JPH3: variants seen among roughly 807,000 people sequenced by gnomAD.
The protein encoded by JPH3 is junctophilin 3, also known as junctophilin-3.
In JPH3, 11 loss-of-function variants were observed where a neutral mutation model predicts 59.6. The observed-to-expected ratio is 0.18, with a 90% CI of 0.12 to 0.31. The LOEUF is 0.31. Ranked by LOEUF, JPH3 falls within the 10% of genes least tolerant of loss-of-function variation. The pLI, the probability that JPH3 is intolerant of heterozygous loss-of-function variation, is 1.00. For missense variants in JPH3, 1,202 were observed against 1,105.7 expected, an observed-to-expected ratio of 1.09 and a Z score of -1.24; for synonymous variants, 673 against 483.6, an observed-to-expected ratio of 1.39 and a Z score of -5.14.
At chr16:87,696,421 C>T in intron 4 of JPH3, 159 bp from the exon 5 acceptor site, 1 of 636,764 alleles carries the variant, frequency 1.6e-6, no homozygotes, top group Non-Finnish European at 2.8e-6. Context: ...AGCTCAGGTT[C>T]TGGTGGGCCT....
At chr16:87,656,747 G>A (rs938242580) in intron 2 of JPH3, among the ~76,000 whole-genome samples, 21 of 152,288 alleles carry the variant, frequency 1.4e-4, no homozygotes, top group Middle Eastern at 3.4e-3. Context: ...CCTGGTGTCC[G>A]CCTTTCTCCT....
chr16:87,644,006 T>G (rs1175183977), intron 1 of JPH3, among the ~76,000 whole-genome samples: 1 of 152,128 alleles, frequency 6.6e-6, no homozygotes, highest in Non-Finnish European at 1.5e-5. Context: ...AGCATGGTGG[T>G]GCACGCCTGT....
At chr16:87,666,961 C>T (rs975808164) in intron 2 of JPH3, among the ~76,000 whole-genome samples, 1 of 152,228 alleles carries the variant, frequency 6.6e-6, no homozygotes, top group Non-Finnish European at 1.5e-5. Flanking sequence ...CAGCTTCCTA[C>T]AGCTTCCATG....
At chr16:87,635,103 G>A (rs919654281) in intron 1 of JPH3, among the ~76,000 whole-genome samples, 4 of 152,180 alleles carry the variant, frequency 2.6e-5, no homozygotes, top group Admixed American at 6.5e-5. Flanking sequence ...CTCATGGGTC[G>A]GGGCCGCACA....
intron 1 of JPH3, among the ~76,000 whole-genome samples, chr16:87,625,474 G>C (rs2031338872): frequency 6.6e-6 from 1 of 152,206 alleles, no homozygotes; most frequent in African/African-American, 2.4e-5. Flanking sequence ...CCTTGGTGCT[G>C]CACGGTCACT....
intron 1 of JPH3, among the ~76,000 whole-genome samples, chr16:87,620,481 G>GGAGAGA (rs1299947764): frequency 2.5e-5 from 3 of 120,040 alleles, no homozygotes; most frequent in Non-Finnish European, 5.5e-5. Context: ...AAGGAGAGAA[G>GGAGAGA]AGAGGGAGAG....
intron 2 of JPH3, among the ~76,000 whole-genome samples, chr16:87,669,971 G>A (rs990519408): frequency 4.6e-5 from 7 of 152,200 alleles, no homozygotes; most frequent in African/African-American, 1.7e-4. Flanking sequence ...AGCTCCAGCC[G>A]TGGGGGCGGG....
chr16:87,624,603 G>C (rs1177020335), intron 1 of JPH3, among the ~76,000 whole-genome samples: 3 of 152,234 alleles, frequency 2.0e-5, no homozygotes, highest in Non-Finnish European at 2.9e-5. Flanking sequence ...AGAGGTTTGG[G>C]CTGTTTGCCA....
intron 3 of JPH3, 180 bp downstream of exon 3, chr16:87,684,446 C>G: frequency 2.1e-6 from 2 of 967,082 alleles, no homozygotes; most frequent in Non-Finnish European, 3.0e-6. Context: ...AAGGCCTGGC[C>G]TGGCTCCCCG....
At chr16:87,673,154 A>T (rs868741713) in intron 2 of JPH3, among the ~76,000 whole-genome samples, 45 of 152,282 alleles carry the variant, frequency 3.0e-4, no homozygotes, top group Middle Eastern at 3.4e-3. Context: ...ATTAAAAAAA[A>T]AAAAAGTTTA....
At position 87,625,389 on chromosome 16, in the gene JPH3, C is replaced by T. The variant is rs182182590; in HGVS notation, c.383-18869C>T. On this transcript the variant is annotated intron_variant, in intron 1 of 4. Transcript: ENST00000284262. ...CACTCTCCTCCTCCACACCAGCCCC[C>T]AGCAGCTCGCAGGCTGCCTGGGCCC... Among the ~76,000 whole-genome samples the T allele has an allele frequency of 6.3e-3, 956 of 152,306 alleles. 7 individuals are homozygous for T. The highest frequency in any genetic ancestry group is 0.02 in the Middle Eastern group (6 of 294).
chr16:87,619,991 G>T (rs1283652097), intron 1 of JPH3, among the ~76,000 whole-genome samples: 3 of 152,198 alleles, frequency 2.0e-5, no homozygotes, highest in Non-Finnish European at 2.9e-5. Context: ...GACCCAGTGC[G>T]CAAGGAGCCC....
At chr16:87,643,327 A>AT (rs1310843037) in intron 1 of JPH3, among the ~76,000 whole-genome samples, 2 of 152,184 alleles carry the variant, frequency 1.3e-5, no homozygotes, top group Non-Finnish European at 2.9e-5. Flanking sequence ...CTTTCCAGCC[A>AT]TGGAAACAGT....
intron 1 of JPH3, among the ~76,000 whole-genome samples, chr16:87,630,000 TAAAA>T (rs963441330): frequency 1.3e-5 from 2 of 152,172 alleles, no homozygotes; most frequent in African/African-American, 4.8e-5. Flanking sequence ...AAGAAAAAGT[TAAAA>T]AAAGACCACA....
chr16:87,623,293 G>A (rs1446990094), intron 1 of JPH3, among the ~76,000 whole-genome samples: 1 of 152,258 alleles, frequency 6.6e-6, no homozygotes, highest in African/African-American at 2.4e-5. Flanking sequence ...GCAGGGGCAG[G>A]CGAGGGTGGA....
At chr16:87,647,949 C>T (rs530597104) in intron 2 of JPH3, among the ~76,000 whole-genome samples, 6 of 152,346 alleles carry the variant, frequency 3.9e-5, no homozygotes, top group East Asian at 1.9e-4. Context: ...CCAGGCCGGT[C>T]GCCTCCCCTC....
chr16:87,631,238 C>G (rs1208220578), intron 1 of JPH3, among the ~76,000 whole-genome samples: 1 of 152,222 alleles, frequency 6.6e-6, no homozygotes, highest in African/African-American at 2.4e-5. Context: ...TTGATCTTCT[C>G]ATGTCTTCTT....
intron 1 of JPH3, among the ~76,000 whole-genome samples, chr16:87,628,841 G>C (rs1198121024): frequency 1.3e-5 from 2 of 152,094 alleles, no homozygotes; most frequent in Non-Finnish European, 2.9e-5. Context: ...GTGTGGCTGG[G>C]AGGATGCTCA....
Position 87,616,238 on chromosome 16 carries a change from A to AT in JPH3, c.382+12723dup, listed in dbSNP as rs558660188. ...TGTGTGTGTGTGTGTGTGTGTGTGT[A>AT]TTTTTTTTTTTTTGAGACAGAGTCT... On this transcript the variant is annotated intron_variant, in intron 1 of 4. Transcript: ENST00000284262. Among the ~76,000 whole-genome samples the AT allele has an allele frequency of 8.7e-3, 282 of 32,488 alleles. 2 individuals carry two copies. Among genetic ancestry groups the AT allele is most frequent in the Non-Finnish European group, 0.011 (153 of 13,870 alleles). 21.3% of individuals were successfully genotyped at this position (32,488 alleles called of 152,430 possible).
Sources: gnomAD v4.1 joint callset for allele counts (sites outside exome capture counted in the v4.1 genomes callset) on GRCh38, gnomAD v4.1.1 for gene constraint, MANE v1.5 for transcripts, NCBI Gene and HGNC (gene_info 2026-07-23, HGNC 2026-07-21) for gene names.